The following FOXP2 variants were observed in gnomAD, a reference collection of about 807,000 sequenced individuals.
The protein encoded by FOXP2 is forkhead box protein P2.
Under a neutral mutation model 115.8 loss-of-function variants are expected in FOXP2, and 12 were observed. The ratio of observed to expected loss-of-function variants is 0.10; its 90% confidence interval spans 0.07 to 0.17. FOXP2 has a LOEUF of 0.17. Ranked by LOEUF, FOXP2 falls within the 10% of genes least tolerant of loss-of-function variation. The pLI is 1.00. For missense variants in FOXP2, 629 were observed against 843.5 expected, an observed-to-expected ratio of 0.75 and a Z score of 3.15; for synonymous variants, 328 against 297.7, an observed-to-expected ratio of 1.10 and a Z score of -1.05.
chr7:114,388,442 CCTT>C (rs143641486), intron 2 of FOXP2, among the ~76,000 whole-genome samples: 4,245 of 150,854 alleles, frequency 0.028, 203 homozygotes, highest in African/African-American at 0.097. Flanking sequence ...AAATCATAGA[CCTT>C]CTCAGAAAGT....
At chr7:114,583,203 G>C (rs1724377339) in intron 3 of FOXP2, among the ~76,000 whole-genome samples, 2 of 151,936 alleles carry the variant, frequency 1.3e-5, no homozygotes, top group South Asian at 4.2e-4. Flanking sequence ...CCAACATGGT[G>C]AAACCCGCCT....
At chr7:114,551,123 G>A (rs772435563) in intron 3 of FOXP2, among the ~76,000 whole-genome samples, 24 of 152,050 alleles carry the variant, frequency 1.6e-4, no homozygotes, top group Non-Finnish European at 2.5e-4. Context: ...ATGCTCCAGA[G>A]GAAAAACCAC....
intron 2 of FOXP2, among the ~76,000 whole-genome samples, chr7:114,329,301 T>A (rs935832135): frequency 6.6e-6 from 1 of 152,050 alleles, no homozygotes; most frequent in Non-Finnish European, 1.5e-5. Context: ...GCGGATCACC[T>A]GAGGTCAGGA....
chr7:114,524,330 G>C (rs896958497), intron 2 of FOXP2, among the ~76,000 whole-genome samples: 1 of 152,024 alleles, frequency 6.6e-6, no homozygotes, highest in Non-Finnish European at 1.5e-5. Context: ...AAAAGAATTT[G>C]CTTGGAATTA....
intron 2 of FOXP2, among the ~76,000 whole-genome samples, chr7:114,478,610 G>A (rs765234583): frequency 7.9e-5 from 12 of 151,810 alleles, no homozygotes; most frequent in Non-Finnish European, 1.6e-4. Context: ...GCTCTATGCT[G>A]CTAGTTATTT....
At chr7:114,392,233 T>C (rs1792621933) in intron 2 of FOXP2, among the ~76,000 whole-genome samples, 1 of 151,198 alleles carries the variant, frequency 6.6e-6, no homozygotes, top group South Asian at 2.1e-4. Context: ...GAGATCCTCT[T>C]GGGAAGCCAA....
chr7:114,558,890 G>A (rs1349830409), intron 3 of FOXP2, among the ~76,000 whole-genome samples: 1 of 152,148 alleles, frequency 6.6e-6, no homozygotes, highest in African/African-American at 2.4e-5. Context: ...TCTTAACCTA[G>A]TGGTTGGTGT....
At chr7:114,458,542 TTTTC>T (rs1270471446) in intron 2 of FOXP2, among the ~76,000 whole-genome samples, 1 of 128,634 alleles carries the variant, frequency 7.8e-6, no homozygotes, top group African/African-American at 3.0e-5. Flanking sequence ...TGATATTTTC[TTTTC>T]TTTTTTTTTT....
chr7:114,348,530 A>AT (rs948760057), intron 2 of FOXP2, among the ~76,000 whole-genome samples: 23 of 150,890 alleles, frequency 1.5e-4, no homozygotes, highest in Non-Finnish European at 1.9e-4. Context: ...CAATTTTTCT[A>AT]TTTTTTTTAA....
At position 114,333,843 on chromosome 7, in the gene FOXP2, ACAC is replaced by A. The variant is rs1434459654; in HGVS notation, c.-11+45738_-11+45740del. ...GCATAGGGTGCATTGAGCCAAGATC[ACAC>A]CACTGCCCTCCAGCTTGGGTGACCG... On this transcript the variant is annotated intron_variant, in intron 2 of 17. Transcript: ENST00000634411. 1.1e-4 allele frequency among the ~76,000 whole-genome samples: 17 copies of A among 151,946 alleles called. No individual in the cohort carries two copies. The East Asian group carries it at 3.3e-3, about 30-fold the overall frequency.
At chr7:114,628,450 T>G in intron 3 of FOXP2, 90 bp from the exon 4 acceptor site, 1 of 1,542,044 alleles carries the variant, frequency 6.5e-7, no homozygotes, top group South Asian at 1.1e-5. Flanking sequence ...GCTAAAGAAT[T>G]TATAAAAGAT....
At position 114,691,234 on chromosome 7, in the gene FOXP2, T is replaced by C; in HGVS notation, c.*1308T>C. On this transcript the variant is annotated 3_prime_UTR_variant, in exon 17 of 17. Transcript: ENST00000350908. The stretch of plus-strand genomic sequence containing the variant: ...ATGTCTTGTATGGTCTTAATCTTTG[T>C]TGTGTACTATTTTTTTATAGTCTTA... 2.2e-6 allele frequency: 1 copy of C among 453,850 alleles called. No individual in the cohort carries two copies. The highest frequency in any genetic ancestry group is 1.6e-5 in the South Asian group (1 of 64,388). The allele number at this position is 453,850 out of a possible 1,614,324, so 28.1% of individuals were successfully genotyped here.
chr7:114,463,390 C>T (rs1251825135), intron 2 of FOXP2, among the ~76,000 whole-genome samples: 1 of 152,134 alleles, frequency 6.6e-6, no homozygotes, highest in Non-Finnish European at 1.5e-5. Context: ...GGCCACTATC[C>T]ACATGTGGCT....
intron 1 of FOXP2, among the ~76,000 whole-genome samples, chr7:114,422,176 T>A (rs563350925): frequency 1.2e-3 from 189 of 151,918 alleles, no homozygotes; most frequent in Admixed American, 3.5e-3. Context: ...TTAATGCATA[T>A]GTTTGATTAA....
intron 3 of FOXP2, among the ~76,000 whole-genome samples, chr7:114,589,067 T>C (rs1349119142): frequency 2.0e-5 from 3 of 152,132 alleles, no homozygotes; most frequent in Admixed American, 2.0e-4. Flanking sequence ...ATCATAGCTT[T>C]TTAAGAAAAA....
chr7:114,435,149 G>A (rs1377171536), intron 2 of FOXP2, among the ~76,000 whole-genome samples: 1 of 152,128 alleles, frequency 6.6e-6, no homozygotes, highest in Non-Finnish European at 1.5e-5. Context: ...TTTTCACTAT[G>A]ATTGAAAATA....
At chr7:114,097,879 GT>G (rs1799684672) in intron 1 of FOXP2, among the ~76,000 whole-genome samples, 1 of 152,184 alleles carries the variant, frequency 6.6e-6, no homozygotes, top group Non-Finnish European at 1.5e-5. Context: ...ATCATTGTGT[GT>G]TGATCAATTT....
At chr7:114,151,997 A>G (rs1483616482) in intron 1 of FOXP2, among the ~76,000 whole-genome samples, 1 of 152,138 alleles carries the variant, frequency 6.6e-6, no homozygotes, top group Non-Finnish European at 1.5e-5. Flanking sequence ...AAACTAGTGC[A>G]CGCGATTTCA....
intron 3 of FOXP2, among the ~76,000 whole-genome samples, chr7:114,542,139 G>A (rs1401589911): frequency 6.6e-6 from 1 of 151,778 alleles, no homozygotes; most frequent in Admixed American, 6.6e-5. Context: ...AAATGTTTCT[G>A]CTACCTTCAC....
Sources: gnomAD v4.1 joint callset for allele counts (sites outside exome capture counted in the v4.1 genomes callset) on GRCh38, gnomAD v4.1.1 for gene constraint, MANE v1.5 for transcripts, NCBI Gene and HGNC (gene_info 2026-07-23, HGNC 2026-07-21) for gene names.